SCN4A: variants seen among roughly 807,000 people sequenced by gnomAD.
SCN4A encodes the protein sodium voltage-gated channel alpha subunit 4, also known as sodium channel protein type 4 subunit alpha.
In SCN4A, 83 loss-of-function variants were observed where a neutral mutation model predicts 162.0. The observed-to-expected ratio is 0.51, with a 90% confidence interval of 0.43 to 0.61. SCN4A has a LOEUF of 0.61. Ranked by LOEUF, SCN4A falls within the 20% of genes least tolerant of loss-of-function variation. The probability of loss-of-function intolerance (pLI) is 0.00; values close to 1 mark genes in which losing one functional copy is unlikely to be tolerated. For synonymous variants in SCN4A, 944 were observed against 985.1 expected (o/e 0.96, Z 0.78); for missense variants, 2,196 against 2,462.5 (o/e 0.89, Z 2.29).
At position 63,947,980 on chromosome 17, in the gene SCN4A, G is replaced by A. The variant is rs939978015; in HGVS notation, c.3228C>T (p.Phe1076=). ...CCCATTTGAGCAGCATCTCCATGAT[G>A]AAGATGTAGGTGAAGACCTTGTCGG... is the stretch of plus-strand genomic sequence containing the variant. ...EYADKVFTYI[F]IMEMLLKWVA... The change falls in exon 17 of 24, where the codon TTC becomes TTT. Residue 1076 remains phenylalanine (F), a synonymous_variant. Coordinates refer to ENST00000435607, the MANE Select transcript of SCN4A (RefSeq NM_000334.4). 3 of 1,613,870 alleles carry A rather than the reference G, an allele frequency of 1.9e-6. No homozygotes were observed. Among genetic ancestry groups the A allele is most frequent in the Admixed American group, 1.7e-5 (1 of 59,992 alleles).
At chr17:63,952,455 G>A (rs936165689) in intron 13 of SCN4A, among the ~76,000 whole-genome samples, 9 of 152,032 alleles carry the variant, frequency 5.9e-5, no homozygotes, top group African/African-American at 2.2e-4. Context: ...CACGGTGCCT[G>A]GCCCATGACT....
At position 63,945,476 on chromosome 17, in the gene SCN4A, C is replaced by T. The variant is rs201916531; in HGVS notation, c.3604G>A (p.Glu1202Lys). 1.5e-5 allele frequency: 25 copies of T among 1,613,960 alleles called. No homozygotes were observed. In the Admixed American group the frequency reaches 2.3e-4, roughly 15 times the overall value. ...TTTSERFDIS[E>K]VNNKSECESL... ...TCGCACTCAGACTTGTTGTTGACCT[C>T]GGAGATGTCGAACCTCTCAGAGGTG... The change falls in exon 19 of 24, where the codon GAG (glutamate) becomes AAG (lysine). Residue 1202 changes from glutamate (E) to lysine (K), a missense_variant. Coordinates refer to ENST00000435607, the MANE Select transcript of SCN4A (RefSeq NM_000334.4). The surrounding 1 kb of genome is among the most constrained non-coding windows in gnomAD (Gnocchi z 4.4).
rs773527089 is a variant in SCN4A, at chr17:63,957,392, C to T, written c.2146G>A (p.Val716Met). The change falls in exon 13 of 24, where the codon GTG (valine) becomes ATG (methionine). Residue 716 changes from valine to methionine, a missense_variant. Val to Met is a conservative substitution (Grantham distance 21, BLOSUM62 1). Coordinates refer to ENST00000435607, the MANE Select transcript of SCN4A (RefSeq NM_000334.4). Reference protein sequence around the residue: ...VLAIIVFIFAVVGMQLFGKSY... With the variant: ...VLAIIVFIFAMVGMQLFGKSY... ...TTGCCAAACAGCTGCATGCCCACCA[C>T]GGCGAAGATGAACACGATGATAGCC... The T allele has an allele frequency of 1.5e-5, 25 of 1,613,990 alleles. No homozygotes were observed. Among genetic ancestry groups the T allele is most frequent in the Middle Eastern group, 1.6e-4 (1 of 6,084 alleles).
At chr17:63,965,604 T>A (rs1253111175) in intron 8 of SCN4A, among the ~76,000 whole-genome samples, 1 of 152,190 alleles carries the variant, frequency 6.6e-6, no homozygotes, top group Admixed American at 6.5e-5. Context: ...TTCTCCCTCC[T>A]CAGCCTCCTG....
chr17:63,955,466 G>A (rs1308233883), intron 13 of SCN4A, among the ~76,000 whole-genome samples: 1 of 152,200 alleles, frequency 6.6e-6, no homozygotes, highest in Non-Finnish European at 1.5e-5. Flanking sequence ...CAACCACCCA[G>A]TGAAAGAGTC....
chr17:63,954,316 C>G (rs1315160971), intron 13 of SCN4A, among the ~76,000 whole-genome samples: 2 of 152,202 alleles, frequency 1.3e-5, no homozygotes, highest in African/African-American at 2.4e-5. Flanking sequence ...CGCCATGTCC[C>G]CTAGAGGCTT....
Position 63,947,883 on chromosome 17 carries a change from G to A in SCN4A, c.3318+7C>T, listed in dbSNP as rs763556510. On this transcript the variant is annotated splice_region_variant and intron_variant, in intron 17 of 23. Transcript: ENST00000435607. The stretch of plus-strand genomic sequence containing the variant: ...TGTAGCTACGGGGCCAGCGTGGGGG[G>A]ACTCACATCCACGATGAGGAAGTCG... The A allele has an allele frequency of 3.1e-6, 5 of 1,612,788 alleles. No homozygotes were observed. Among genetic ancestry groups the A allele is most frequent in the African/African-American group, 1.3e-5 (1 of 74,906 alleles).
intron 15 of SCN4A, 131 bp downstream of exon 15, chr17:63,949,262 C>T: frequency 2.0e-6 from 2 of 977,390 alleles, no homozygotes; most frequent in Non-Finnish European, 3.0e-6. Context: ...TGCCACCACC[C>T]CTAGACACGT....
Position 63,943,811 on chromosome 17 carries a change from T to C in SCN4A, c.3952A>G (p.Lys1318Glu). The C allele has an allele frequency of 6.2e-7, 1 of 1,613,500 alleles. No homozygotes were observed. The change falls in exon 22 of 24, where the codon AAA becomes GAA. Residue 1318 changes from lysine (K) to glutamate (E), a missense_variant. By Grantham distance (56) the Lys-to-Glu change is moderately conservative (BLOSUM62 1). Transcript: ENST00000435607. Reference sequence around the variant, plus strand: ...AGCTTCTTCATGGCGTTATAGTATTTCTTCTGTTCCTCCGTCATAAAGATG... The same window carrying C: ...AGCTTCTTCATGGCGTTATAGTATTCCTTCTGTTCCTCCGTCATAAAGATG... ...KDIFMTEEQKKYYNAMKKLGS... is the reference protein window; with the variant it reads ...KDIFMTEEQKEYYNAMKKLGS...
Position 63,972,284 on chromosome 17 carries a change from C to T in SCN4A, c.393-59G>A. On this transcript the variant is annotated intron_variant, in intron 2 of 23. Coordinates refer to ENST00000435607, the MANE Select transcript of SCN4A (RefSeq NM_000334.4). The surrounding 1 kb of genome is among the most constrained non-coding windows in gnomAD (Gnocchi z 4.3). ...TAGGATGGGAGGTGATAGAGGGTCT[C>T]CTGGGCCACAGCACCCCATCTCGCC... The T allele has an allele frequency of 6.3e-7, 1 of 1,589,228 alleles. No homozygotes were observed.
At chr17:63,962,313 C>G (rs1909292545) in intron 10 of SCN4A, among the ~76,000 whole-genome samples, 1 of 152,312 alleles carries the variant, frequency 6.6e-6, no homozygotes, top group African/African-American at 2.4e-5. Context: ...ATACCGGCCC[C>G]TCCAAAGTGT....
Position 63,972,543 on chromosome 17 carries a change from C to T in SCN4A, c.273+26G>A. 1 of 1,595,718 alleles carries T rather than the reference C, an allele frequency of 6.3e-7. No individual in the cohort carries two copies. The highest frequency in any genetic ancestry group is 8.5e-7 in the Non-Finnish European group (1 of 1,170,946). ...GACAGATGGATGGATGGCAGACAGACAGAGGAAGCCTTCCCAGGCCCAGAC... is the reference window on the plus strand; with the variant it reads ...GACAGATGGATGGATGGCAGACAGATAGAGGAAGCCTTCCCAGGCCCAGAC... On this transcript the variant is annotated intron_variant, in intron 1 of 23. Coordinates refer to ENST00000435607, the MANE Select transcript of SCN4A (RefSeq NM_000334.4). This position sits in a 1 kb window ranked among gnomAD's most constrained non-coding sequence, Gnocchi z 4.3.
At position 63,942,823 on chromosome 17, in the gene SCN4A, C is replaced by T. The variant is rs1256372516; in HGVS notation, c.4288+3G>A. On this transcript the variant is annotated splice_donor_region_variant and intron_variant, in intron 23 of 23. Coordinates refer to ENST00000435607, the MANE Select transcript of SCN4A (RefSeq NM_000334.4). ...CCCTGCCGGTCCAGCCCGCCCCGCT[C>T]ACCCACAATGGACAGGATGACGACC... The T allele has an allele frequency of 2.5e-6, 4 of 1,612,506 alleles. No homozygotes were observed. The highest frequency in any genetic ancestry group is 1.7e-5 in the Admixed American group (1 of 59,974).
At chr17:63,963,866 G>A (rs1909350807) in intron 9 of SCN4A, 41 bp from the exon 10 acceptor site, 1 of 1,543,532 alleles carries the variant, frequency 6.5e-7, no homozygotes, top group Admixed American at 1.9e-5. Context: ...GTCCAGCTCT[G>A]AGCCAGAGGG....
intron 18 of SCN4A, 37 bp downstream of exon 18, chr17:63,947,008 A>AAGCC: frequency 3.8e-6 from 3 of 782,420 alleles, no homozygotes; most frequent in Non-Finnish European, 6.2e-6. Context: ...CCGGTCCCCC[A>AAGCC]TCCCCAGCCC....
In SCN4A at chr17:63,951,587, A is replaced by G. The variant is rs370879135; in HGVS notation, c.2690T>C (p.Met897Thr). 7 of 1,613,782 alleles carry G rather than the reference A, an allele frequency of 4.3e-6. No homozygotes were observed. Among genetic ancestry groups the G allele is most frequent in the African/African-American group, 4.0e-5 (3 of 74,874 alleles). Reference protein sequence around the residue: ...LKKDNHILNHMGLADGPPSSL... With the variant: ...LKKDNHILNHTGLADGPPSSL... ...GGATGGGGGGCCGTCAGCCAGGCCC[A>G]TGTGGTTCAGGATGTGATTGTCCTT... The change falls in exon 14 of 24, where the codon ATG (methionine) becomes ACG (threonine). Residue 897 changes from methionine to threonine, a missense_variant. Met to Thr is a moderately conservative substitution (Grantham distance 81). Transcript: ENST00000435607. This position sits in a 1 kb window ranked among gnomAD's most constrained non-coding sequence, Gnocchi z 4.5.
rs1272491983 is a variant in SCN4A at position 63,951,940 on chromosome 17, G to T, written c.2377-40C>A. 7.7e-7 allele frequency: 1 copy of T among 1,302,794 alleles called. No individual in the cohort carries two copies. The highest frequency in any genetic ancestry group is 2.3e-5 in the Admixed American group (1 of 43,644). The allele number at this position is 1,302,794 out of a possible 1,614,324, so 80.7% of individuals were successfully genotyped here. ...CAGGGGGAGCCTCACATCAGTCCCCGGGACCCAGAGGGTGCCACCTTCAGC... is the reference window on the plus strand; with the variant it reads ...CAGGGGGAGCCTCACATCAGTCCCCTGGACCCAGAGGGTGCCACCTTCAGC... On this transcript the variant is annotated intron_variant, in intron 13 of 23. Transcript: ENST00000435607. This position sits in a 1 kb window ranked among gnomAD's most constrained non-coding sequence, Gnocchi z 4.5.
At chr17:63,943,614 C>A (rs989739651) in intron 22 of SCN4A, 132 bp downstream of exon 22, 2 of 622,860 alleles carry the variant, frequency 3.2e-6, no homozygotes, top group African/African-American at 1.9e-5. Flanking sequence ...AAGTCCCCTG[C>A]CCCTGGGGTG....
At chr17:63,958,147 A>G (rs1409836609) in intron 12 of SCN4A, among the ~76,000 whole-genome samples, 1 of 152,152 alleles carries the variant, frequency 6.6e-6, no homozygotes, top group Non-Finnish European at 1.5e-5. Flanking sequence ...AAGAAGGTGC[A>G]TCACTTGAGC....
Sources: allele counts gnomAD v4.1 joint callset (sites outside exome capture counted in the v4.1 genomes callset), GRCh38; gene constraint gnomAD v4.1.1; non-coding constraint Gnocchi (gnomAD v3.1); transcripts MANE v1.5; gene names NCBI Gene and HGNC (gene_info 2026-07-23, HGNC 2026-07-21).